The following SLC5A4 variants were observed in gnomAD, a reference collection of about 807,000 sequenced individuals.
The protein encoded by SLC5A4 is probable glucose sensor protein SLC5A4.
In SLC5A4, 55 loss-of-function variants were observed where a neutral mutation model predicts 70.3. The observed-to-expected ratio is 0.78, with a 90% CI of 0.63 to 0.98. SLC5A4 has a LOEUF of 0.98. Among genes scored for constraint, SLC5A4 ranks in the 50% least tolerant of loss-of-function variants. SLC5A4 has a pLI of 0.00. For missense variants in SLC5A4, 735 were observed against 839.2 expected, an observed-to-expected ratio of 0.88 and a Z score of 1.53; for synonymous variants, 268 against 305.7, an observed-to-expected ratio of 0.88 and a Z score of 1.29.
chr22:32,332,571 G>A, the SLC5A4 span, among the ~76,000 whole-genome samples: 6,695 of 152,292 alleles, frequency 0.044, 199 homozygotes, highest in Middle Eastern at 0.085. Context: ...GTCTCTGAGG[G>A]GCTGGGAGCC....
chr22:32,340,916 G>A, the SLC5A4 span, among the ~76,000 whole-genome samples: 1 of 152,220 alleles, frequency 6.6e-6, no homozygotes, highest in Admixed American at 6.5e-5. Context: ...GACATGCGGA[G>A]GCGGCTGCCT....
the SLC5A4 span, among the ~76,000 whole-genome samples, chr22:32,334,376 C>A: frequency 1.3e-5 from 2 of 152,162 alleles, no homozygotes; most frequent in African/African-American, 4.8e-5. Flanking sequence ...TGGTTCAGAC[C>A]CTCGAGTTGT....
Position 32,224,296 on chromosome 22 carries a change from G to C in SLC5A4, c.1636C>G (p.Leu546Val), listed in dbSNP as rs1209325858. ...ACATCAGGAATGGGTTTTGTTAAGA[G>C]GGAAATTCCCAGGGTGACCAGCATG... ...GSMLVTLGISLLTKPIPDVHL... is the reference protein window; with the variant it reads ...GSMLVTLGISVLTKPIPDVHL... Residue 546 changes from leucine (L) to valine (V), a missense_variant, in exon 13 of 15, where the codon CTC becomes GTC. Leu to Val is a conservative substitution (Grantham distance 32, BLOSUM62 1). Transcript: ENST00000266086. 1.9e-6 allele frequency: 3 copies of C among 1,613,712 alleles called. No homozygotes were observed. The highest frequency in any genetic ancestry group is 1.7e-6 in the Non-Finnish European group (2 of 1,179,676).
At chr22:32,292,410 C>G in the SLC5A4 span, among the ~76,000 whole-genome samples, 1 of 146,408 alleles carries the variant, frequency 6.8e-6, no homozygotes, top group Non-Finnish European at 1.5e-5. Context: ...TTGTTTTTTT[C>G]TAGTGTATGT....
At chr22:32,335,541 TC>T in the SLC5A4 span, among the ~76,000 whole-genome samples, 1 of 152,188 alleles carries the variant, frequency 6.6e-6, no homozygotes, top group South Asian at 2.1e-4. Context: ...TCTGATTTCA[TC>T]CCCTTGCCAG....
the SLC5A4 span, among the ~76,000 whole-genome samples, chr22:32,319,873 A>AT: frequency 6.6e-6 from 1 of 152,182 alleles, no homozygotes; most frequent in Non-Finnish European, 1.5e-5. Context: ...GCCCATGACT[A>AT]TATCCCCAGG....
At chr22:32,326,244 G>A in the SLC5A4 span, among the ~76,000 whole-genome samples, 25 of 152,040 alleles carry the variant, frequency 1.6e-4, no homozygotes, top group East Asian at 4.7e-3. Flanking sequence ...TATGCACGTG[G>A]GGTATGGGGC....
chr22:32,320,942 G>T, the SLC5A4 span, among the ~76,000 whole-genome samples: 1 of 152,224 alleles, frequency 6.6e-6, no homozygotes, highest in East Asian at 1.9e-4. Context: ...GTCTTCAGGG[G>T]CAACCCGTCA....
At chr22:32,306,547 A>G in the SLC5A4 span, among the ~76,000 whole-genome samples, 1 of 151,526 alleles carries the variant, frequency 6.6e-6, no homozygotes, top group Non-Finnish European at 1.5e-5. Context: ...GTTACACTCC[A>G]GTATTATTAG....
the SLC5A4 span, among the ~76,000 whole-genome samples, chr22:32,281,276 T>C: frequency 6.6e-6 from 1 of 152,116 alleles, no homozygotes; most frequent in African/African-American, 2.4e-5. Context: ...CCAGCTGCGG[T>C]TGGAATGTTC....
Position 32,234,980 on chromosome 22 carries a change from C to G in SLC5A4, c.778G>C (p.Ala260Pro). 1 of 1,613,218 alleles carries G rather than the reference C, an allele frequency of 6.2e-7. No individual in the cohort carries two copies. The highest frequency in any genetic ancestry group is 8.5e-7 in the Non-Finnish European group (1 of 1,179,954). The change falls in exon 8 of 15, where the codon GCG becomes CCG. Residue 260 changes from alanine (A) to proline (P), a missense_variant. By Grantham distance (27) the Ala-to-Pro change is conservative. Coordinates refer to ENST00000266086, the MANE Select transcript of SLC5A4 (RefSeq NM_014227.3). Reference protein sequence around the residue: ...TISASCYTPRADSFHIFRDAV... With the variant: ...TISASCYTPRPDSFHIFRDAV... Reference sequence around the variant, plus strand: ...TCTCGGAAGATGTGGAAGGAGTCCGCCCGAGGTGTGTAGCAACTGGCACTG... The same window carrying G: ...TCTCGGAAGATGTGGAAGGAGTCCGGCCGAGGTGTGTAGCAACTGGCACTG...
chr22:32,306,346 G>C, the SLC5A4 span, among the ~76,000 whole-genome samples: 1 of 143,076 alleles, frequency 7.0e-6, no homozygotes, highest in South Asian at 2.3e-4. Flanking sequence ...GTGCCTGCTA[G>C]TCCCAGCTAC....
At chr22:32,302,916 G>A in the SLC5A4 span, among the ~76,000 whole-genome samples, 2 of 152,336 alleles carry the variant, frequency 1.3e-5, no homozygotes, top group East Asian at 3.9e-4. Flanking sequence ...CTGATTTGGG[G>A]AGAATTGACA....
chr22:32,305,464 C>G, the SLC5A4 span, among the ~76,000 whole-genome samples: 1 of 149,034 alleles, frequency 6.7e-6, no homozygotes, highest in African/African-American at 2.5e-5. Flanking sequence ...CGAGACCTCT[C>G]TGGAGAAAAA....
At chr22:32,318,713 C>CTT in the SLC5A4 span, among the ~76,000 whole-genome samples, 2 of 152,190 alleles carry the variant, frequency 1.3e-5, no homozygotes, top group Admixed American at 6.5e-5. Flanking sequence ...GCCAGAGAAG[C>CTT]CCTGTGAAAA....
chr22:32,352,330 A>G, the SLC5A4 span, among the ~76,000 whole-genome samples: 1 of 151,670 alleles, frequency 6.6e-6, no homozygotes, highest in Non-Finnish European at 1.5e-5. Flanking sequence ...TGACGAGTTA[A>G]TGGGTGCAGC....
the SLC5A4 span, among the ~76,000 whole-genome samples, chr22:32,317,569 T>TCCCCTG: frequency 5.3e-5 from 8 of 152,252 alleles, no homozygotes; most frequent in South Asian, 4.2e-4. Flanking sequence ...CTCAAGTGAT[T>TCCCCTG]CCCCTGCCCC....
At chr22:32,314,531 CCTT>C in the SLC5A4 span, among the ~76,000 whole-genome samples, 8 of 152,096 alleles carry the variant, frequency 5.3e-5, no homozygotes, top group Admixed American at 3.3e-4. Flanking sequence ...TCCCATGACC[CCTT>C]CTTAAAAAAA....
At chr22:32,218,771 A>G (rs1040529625) in intron 14 of SLC5A4, 46 bp from the exon 15 acceptor site, 1 of 1,429,934 alleles carries the variant, frequency 7.0e-7, no homozygotes, top group Admixed American at 1.7e-5. Flanking sequence ...TAGATCACAA[A>G]GGAACTAGAA....
Sources: allele counts gnomAD v4.1 joint callset (sites outside exome capture counted in the v4.1 genomes callset), GRCh38; gene constraint gnomAD v4.1.1; transcripts MANE v1.5; gene names NCBI Gene and HGNC (gene_info 2026-07-23, HGNC 2026-07-21).